Variants in PIEZO2 observed in about 807,000 individuals in gnomAD.
PIEZO2 encodes the protein piezo-type mechanosensitive ion channel component 2.
Under a neutral mutation model 337.3 loss-of-function variants are expected in PIEZO2, and 172 were observed. The observed-to-expected ratio is 0.51, with a 90% CI of 0.45 to 0.58. PIEZO2 has a LOEUF of 0.58. PIEZO2 is among the 20% of genes least tolerant of loss of function. The pLI is 0.00. For synonymous variants in PIEZO2, 1,251 were observed against 1,228.5 expected (o/e 1.02, Z -0.38); for missense variants, 3,028 against 3,391.3 (o/e 0.89, Z 2.66).
chr18:10,886,611 A>G (rs954149265), intron 4 of PIEZO2, among the ~76,000 whole-genome samples: 2 of 148,724 alleles, frequency 1.3e-5, no homozygotes, highest in African/African-American at 5.0e-5. Flanking sequence ...ATAATAAATT[A>G]CAGTAATTAT....
chr18:11,043,188 C>T (rs1460954640), intron 2 of PIEZO2, among the ~76,000 whole-genome samples: 3 of 151,888 alleles, frequency 2.0e-5, no homozygotes, highest in African/African-American at 7.3e-5. Context: ...GGAGCCCAAA[C>T]TGAGCCAAGC....
rs533615836 is a variant in PIEZO2, at chr18:11,113,672, G to A, written c.64+34853C>T. Among the ~76,000 whole-genome samples, 8 of 152,254 alleles carry A rather than the reference G, an allele frequency of 5.3e-5. No homozygotes were observed. In the South Asian group the frequency reaches 1.7e-3, roughly 32 times the overall value. On this transcript the variant is annotated intron_variant, in intron 1 of 55. Transcript: ENST00000674853. The stretch of plus-strand genomic sequence containing the variant: ...TTTCAGATGAAGATTCTCCTTACCT[G>A]AGTCTGAATTCATTTTTTATTTGAC...
intron 7 of PIEZO2, among the ~76,000 whole-genome samples, chr18:10,844,299 A>T (rs2041282453): frequency 6.6e-6 from 1 of 152,118 alleles, no homozygotes; most frequent in Non-Finnish European, 1.5e-5. Context: ...ACATGCCTGT[A>T]GTCCCAGCTA....
intron 3 of PIEZO2, among the ~76,000 whole-genome samples, chr18:10,960,015 T>G (rs1489279916): frequency 6.6e-6 from 1 of 152,206 alleles, no homozygotes; most frequent in Non-Finnish European, 1.5e-5. Context: ...TAGACGTTCA[T>G]CTTTTTATAT....
In PIEZO2 at chr18:11,035,301, T is replaced by TTC. The variant is rs1555697628; in HGVS notation, c.160+30824_160+30825dup. ...CTGGTTGTTTAAAAAGCCTGGCACCTTCTCTCTCTCTCCCTCTCTCTCTCT... is the reference window on the plus strand; with the variant it reads ...CTGGTTGTTTAAAAAGCCTGGCACCTTCTCTCTCTCTCTCCCTCTCTCTCTCT... On this transcript the variant is annotated intron_variant, in intron 2 of 55. Transcript: ENST00000674853. This position sits in a 1 kb window ranked among gnomAD's most constrained non-coding sequence, Gnocchi z 4.3. Among the ~76,000 whole-genome samples the TTC allele has an allele frequency of 1.4e-5, 2 of 138,812 alleles. No individual in the cohort carries two copies. Among genetic ancestry groups the TTC allele is most frequent in the African/African-American group, 2.9e-5 (1 of 34,580 alleles). The allele number at this position is 138,812 out of a possible 152,430, so 91.1% of individuals were successfully genotyped here. A position where few individuals can be genotyped will look rare whatever the true frequency, so the allele number is the denominator to read the frequency against.
chr18:10,804,462 T>C (rs1446500266), intron 8 of PIEZO2, among the ~76,000 whole-genome samples: 1 of 152,210 alleles, frequency 6.6e-6, no homozygotes, highest in Non-Finnish European at 1.5e-5. Context: ...TTTGCCTAAA[T>C]TAGACAACTG....
Position 10,705,585 on chromosome 18 carries a change from G to C in PIEZO2, c.5750C>G (p.Ala1917Gly), listed in dbSNP as rs752415814. ...CTCTGGGGTGAGGCTGGCCTCCTCG[G>C]CACCCATGGCTCCCACATCGTACCC... ...ATGYDVGAMG[A>G]EEASLTPEEE... Residue 1917 changes from alanine (A) to glycine (G), a missense_variant, in exon 41 of 56, where the codon GCC becomes GGC. By Grantham distance (60) the Ala-to-Gly change is moderately conservative. Coordinates refer to ENST00000674853, the MANE Select transcript of PIEZO2 (RefSeq NM_001378183.1). 4 of 1,537,184 alleles carry C rather than the reference G, an allele frequency of 2.6e-6. No homozygotes were observed. In the South Asian group the frequency reaches 4.8e-5, roughly 18 times the overall value.
At chr18:10,887,446 C>G (rs1045290491) in intron 4 of PIEZO2, among the ~76,000 whole-genome samples, 5 of 152,028 alleles carry the variant, frequency 3.3e-5, no homozygotes, top group Admixed American at 6.5e-5. Context: ...AGAGATCCAG[C>G]CCTATGACCC....
At chr18:10,848,752 T>C (rs1568126943) in intron 7 of PIEZO2, among the ~76,000 whole-genome samples, 1 of 152,176 alleles carries the variant, frequency 6.6e-6, no homozygotes, top group Non-Finnish European at 1.5e-5. Flanking sequence ...ACTTAACGAA[T>C]TGTTCAAAGT....
intron 29 of PIEZO2, 106 bp downstream of exon 29, chr18:10,749,985 C>T: frequency 1.2e-6 from 1 of 801,106 alleles, no homozygotes; most frequent in East Asian, 2.7e-5. Flanking sequence ...GAAAACTGAC[C>T]CCACTTTTAT....
At chr18:10,845,852 T>C (rs577735800) in intron 7 of PIEZO2, among the ~76,000 whole-genome samples, 2 of 152,312 alleles carry the variant, frequency 1.3e-5, no homozygotes, top group South Asian at 4.1e-4. Context: ...CTCAAATAAA[T>C]ACATTTAAAG....
intron 30 of PIEZO2, among the ~76,000 whole-genome samples, chr18:10,745,382 C>G (rs575292004): frequency 6.6e-6 from 1 of 152,258 alleles, no homozygotes; most frequent in South Asian, 2.1e-4. Context: ...GACACACGAC[C>G]ACATCCCACA....
At position 11,097,125 on chromosome 18, in the gene PIEZO2, C is replaced by T. The variant is rs2039283420; in HGVS notation, c.65-30903G>A. Among the ~76,000 whole-genome samples the T allele has an allele frequency of 6.6e-6, 1 of 152,118 alleles. No homozygotes were observed. The highest frequency in any genetic ancestry group is 1.5e-5 in the Non-Finnish European group (1 of 68,022). ...TTGGAAATTGTCCCTGCTCCATTTT[C>T]GGCAAACAGGTGTCTGCAAACTACA... On this transcript the variant is annotated intron_variant, in intron 1 of 55. Coordinates refer to ENST00000674853, the MANE Select transcript of PIEZO2 (RefSeq NM_001378183.1). The surrounding 1 kb of genome is among the most constrained non-coding windows in gnomAD (Gnocchi z 5.0).
At chr18:10,996,674 T>C (rs1258697090) in intron 2 of PIEZO2, among the ~76,000 whole-genome samples, 1 of 152,252 alleles carries the variant, frequency 6.6e-6, no homozygotes, top group Non-Finnish European at 1.5e-5. Context: ...TCATTCTTTT[T>C]ATGGCTAAAT....
rs529252972 is a variant in PIEZO2, at chr18:11,028,714, A to T, written c.160+37413T>A. On this transcript the variant is annotated intron_variant, in intron 2 of 55. Coordinates refer to ENST00000674853, the MANE Select transcript of PIEZO2 (RefSeq NM_001378183.1). The surrounding 1 kb of genome is among the most constrained non-coding windows in gnomAD (Gnocchi z 4.8). ...TAGATAGATCCTCACATATTCTGGAAGGAGAAGAAAGTGAGAATCTGATCA... is the reference window on the plus strand; with the variant it reads ...TAGATAGATCCTCACATATTCTGGATGGAGAAGAAAGTGAGAATCTGATCA... Among the ~76,000 whole-genome samples, 6 of 152,364 alleles carry T rather than the reference A, an allele frequency of 3.9e-5. No individual in the cohort carries two copies. Among genetic ancestry groups the T allele is most frequent in the African/African-American group, 1.4e-4 (6 of 41,590 alleles).
rs1176265896 is a variant in PIEZO2, at chr18:10,794,781, A to G, written c.1749T>C (p.Leu583=). 6.5e-7 allele frequency: 1 copy of G among 1,529,302 alleles called. No homozygotes were observed. The highest frequency in any genetic ancestry group is 2.0e-5 in the Admixed American group (1 of 50,130). The allele number at this position is 1,529,302 out of a possible 1,614,324, so 94.7% of individuals were successfully genotyped here. The change falls in exon 13 of 56, where the codon CTT becomes CTC. Residue 583 remains leucine (L), a synonymous_variant. Transcript: ENST00000674853. The surrounding 1 kb of genome is among the most constrained non-coding windows in gnomAD (Gnocchi z 6.6). ...GFLEKKEPGE[L]ASKILFTITF... is the part of the protein sequence containing the mutation. ...TATTCTATTCACTTACTTTGGAAGC[A>G]AGTTCTCCTGGCTCTTTCTTTTCTA...
Position 10,850,719 on chromosome 18 carries a change from T to C in PIEZO2, c.917+4634A>G, listed in dbSNP as rs1213859963. On this transcript the variant is annotated intron_variant, in intron 7 of 55. Transcript: ENST00000674853. This position sits in a 1 kb window ranked among gnomAD's most constrained non-coding sequence, Gnocchi z 4.5. ...GCAAATTATAAAATAGTATGTGCAA[T>C]ATGATTCAAAATTTGTTTGTAAAAA... 6.6e-6 allele frequency among the ~76,000 whole-genome samples: 1 copy of C among 152,170 alleles called. No homozygotes were observed. The highest frequency in any genetic ancestry group is 2.4e-5 in the African/African-American group (1 of 41,426).
At chr18:11,060,894 T>C (rs1161806328) in intron 2 of PIEZO2, among the ~76,000 whole-genome samples, 1 of 152,198 alleles carries the variant, frequency 6.6e-6, no homozygotes, top group Non-Finnish European at 1.5e-5. Flanking sequence ...GAATCCTCCC[T>C]AACTCATTTT....
Position 10,878,340 on chromosome 18 carries a change from A to C in PIEZO2, c.330-6925T>G, listed in dbSNP as rs2042321995. Among the ~76,000 whole-genome samples the C allele has an allele frequency of 6.6e-6, 1 of 152,256 alleles. No homozygotes were observed. Among genetic ancestry groups the C allele is most frequent in the Non-Finnish European group, 1.5e-5 (1 of 68,046 alleles). On this transcript the variant is annotated intron_variant, in intron 4 of 55. Coordinates refer to ENST00000674853, the MANE Select transcript of PIEZO2 (RefSeq NM_001378183.1). The surrounding 1 kb of genome is among the most constrained non-coding windows in gnomAD (Gnocchi z 4.3). ...TTGTGCAAAGCACTGTTGAAGAATT[A>C]GATGAGACACCTACCATAAAGAGCT...
Sources: gnomAD v4.1 joint callset for allele counts (sites outside exome capture counted in the v4.1 genomes callset) on GRCh38, gnomAD v4.1.1 for gene constraint, Gnocchi (gnomAD v3.1) non-coding constraint, MANE v1.5 for transcripts, NCBI Gene and HGNC (gene_info 2026-07-23, HGNC 2026-07-21) for gene names.